EPHA5: variants seen among roughly 807,000 people sequenced by gnomAD.
The protein encoded by EPHA5 is EPH receptor A5, also known as ephrin type-A receptor 5.
Under a neutral mutation model 105.0 loss-of-function variants are expected in EPHA5, and 60 were observed. That is an observed-to-expected ratio of 0.57 (90% confidence interval 0.46 to 0.71). The LOEUF (loss-of-function observed/expected upper bound fraction) is 0.71. Among genes scored for constraint, EPHA5 ranks in the 30% least tolerant of loss-of-function variants. EPHA5 has a pLI of 0.00. For synonymous variants in EPHA5, 513 were observed against 449.1 expected (o/e 1.14, Z -1.80); for missense variants, 1,218 against 1,274.7 (o/e 0.96, Z 0.68).
intron 5 of EPHA5, among the ~76,000 whole-genome samples, chr4:65,485,698 C>A (rs930285458): frequency 6.6e-6 from 1 of 152,068 alleles, no homozygotes; most frequent in Non-Finnish European, 1.5e-5. Flanking sequence ...CTTTTTGAAT[C>A]CAATTTTGAA....
chr4:65,361,948 C>CT (rs112240968), intron 11 of EPHA5, among the ~76,000 whole-genome samples: 2 of 151,468 alleles, frequency 1.3e-5, no homozygotes, highest in African/African-American at 2.4e-5. Flanking sequence ...AAAATTACAA[C>CT]TTTTTTTCCT....
intron 5 of EPHA5, among the ~76,000 whole-genome samples, chr4:65,462,334 G>A (rs1313180222): frequency 6.6e-6 from 1 of 152,000 alleles, no homozygotes; most frequent in Non-Finnish European, 1.5e-5. Flanking sequence ...GTATTGCTAG[G>A]CATTTTGCAA....
chr4:65,330,814 C>T, intron 16 of EPHA5: 1 of 1,029,730 alleles, frequency 9.7e-7, no homozygotes, highest in Non-Finnish European at 1.2e-6. Flanking sequence ...TATGTGTTAT[C>T]AAGTAGATAT....
At chr4:65,459,673 G>A (rs1356405437) in intron 5 of EPHA5, among the ~76,000 whole-genome samples, 3 of 151,516 alleles carry the variant, frequency 2.0e-5, no homozygotes, top group Non-Finnish European at 1.5e-5. Flanking sequence ...GTTTATTAAA[G>A]CTATTTACCA....
chr4:65,427,137 C>G (rs1045804852), intron 5 of EPHA5, among the ~76,000 whole-genome samples: 2 of 148,166 alleles, frequency 1.3e-5, no homozygotes, highest in African/African-American at 5.0e-5. Flanking sequence ...TATAGAGAGA[C>G]AATTATATGT....
intron 5 of EPHA5, among the ~76,000 whole-genome samples, chr4:65,472,751 C>A (rs1729416614): frequency 7.5e-6 from 1 of 132,978 alleles, no homozygotes; most frequent in Admixed American, 7.5e-5. Context: ...ACCTGGCCCA[C>A]AAAACCTGGC....
intron 2 of EPHA5, among the ~76,000 whole-genome samples, chr4:65,603,380 A>C (rs149238079): frequency 6.6e-6 from 1 of 152,252 alleles, no homozygotes; most frequent in African/African-American, 2.4e-5. Context: ...TATAATTTTA[A>C]ATCTTTAAAA....
At chr4:65,458,073 CAAA>C (rs10565968) in intron 5 of EPHA5, among the ~76,000 whole-genome samples, 17,014 of 74,044 alleles carry the variant, frequency 0.23, 695 homozygotes, top group Middle Eastern at 0.39. Context: ...CACTCCATCC[CAAA>C]AAAAAAAAAA....
chr4:65,367,332 T>C (rs2148896010), intron 9 of EPHA5, 25 bp downstream of exon 9: 1 of 1,588,208 alleles, frequency 6.3e-7, no homozygotes, highest in Non-Finnish European at 8.6e-7. Context: ...TTTTATTCTA[T>C]TTTTATTTTT....
At chr4:65,527,911 T>G (rs753486374) in intron 3 of EPHA5, among the ~76,000 whole-genome samples, 9 of 152,078 alleles carry the variant, frequency 5.9e-5, no homozygotes, top group Non-Finnish European at 1.3e-4. Flanking sequence ...TTCTCATCAT[T>G]TAGCTCCCAC....
In EPHA5 at chr4:65,498,848, C is replaced by G. The variant is rs542569437; in HGVS notation, c.911-3305G>C. Reference sequence around the variant, plus strand: ...AAAACCTGTGTGGTTCAATATTATCCAAGAAAAATGTCATAAACTGTAATT... The same window carrying G: ...AAAACCTGTGTGGTTCAATATTATCGAAGAAAAATGTCATAAACTGTAATT... On this transcript the variant is annotated intron_variant, in intron 3 of 16. Coordinates refer to ENST00000613740, the MANE Select transcript of EPHA5 (RefSeq NM_001281766.3). Among the ~76,000 whole-genome samples the G allele has an allele frequency of 2.6e-5, 4 of 151,720 alleles. No individual in the cohort carries two copies. The South Asian group carries it at 8.3e-4, about 31-fold the overall frequency.
At chr4:65,647,852 G>A (rs1310835279) in intron 1 of EPHA5, among the ~76,000 whole-genome samples, 1 of 151,910 alleles carries the variant, frequency 6.6e-6, no homozygotes, top group Admixed American at 6.6e-5. Context: ...ACTTTAAAGG[G>A]GTTAATGAAT....
intron 5 of EPHA5, among the ~76,000 whole-genome samples, chr4:65,486,447 G>A (rs1026573074): frequency 1.3e-5 from 2 of 152,060 alleles, no homozygotes; most frequent in Non-Finnish European, 2.9e-5. Flanking sequence ...TACAGAGAGG[G>A]CCAAAGGGAT....
chr4:65,495,288 T>C (rs574948838), intron 4 of EPHA5, 100 bp downstream of exon 4: 4 of 1,269,334 alleles, frequency 3.2e-6, no homozygotes, highest in East Asian at 2.4e-5. Context: ...ATTATGTCTG[T>C]TTTAGGGGGA....
intron 3 of EPHA5, among the ~76,000 whole-genome samples, chr4:65,513,371 G>C (rs545949067): frequency 4.6e-5 from 7 of 151,924 alleles, no homozygotes; most frequent in East Asian, 1.9e-4. Context: ...CAAAAGATTT[G>C]GGGTTTTTTT....
intron 3 of EPHA5, among the ~76,000 whole-genome samples, chr4:65,576,115 A>AAAGAAAAGAAAAGAAAAAAG (rs1553943548): frequency 2.0e-4 from 9 of 45,688 alleles, no homozygotes; most frequent in Non-Finnish European, 3.1e-4. Flanking sequence ...AAAGAAAAGA[A>AAAGAAAAGAAAAGAAAAAAG]AAAAGAAAAG....
intron 1 of EPHA5, among the ~76,000 whole-genome samples, chr4:65,662,072 T>G (rs1749602658): frequency 6.6e-6 from 1 of 152,070 alleles, no homozygotes; most frequent in African/African-American, 2.4e-5. Flanking sequence ...CTTACCCTCT[T>G]AAATCATTTT....
At chr4:65,329,102 G>T (rs899824834) in intron 16 of EPHA5, among the ~76,000 whole-genome samples, 1 of 151,256 alleles carries the variant, frequency 6.6e-6, no homozygotes, top group Admixed American at 6.6e-5. Context: ...GTCCTTAACT[G>T]AAATGTTTGG....
chr4:65,610,352 A>T (rs1228431817), intron 2 of EPHA5, among the ~76,000 whole-genome samples: 2 of 152,088 alleles, frequency 1.3e-5, no homozygotes, highest in Admixed American at 1.3e-4. Flanking sequence ...AACAACAGAC[A>T]CTAGGGACTG....
Sources: allele counts gnomAD v4.1 joint callset (sites outside exome capture counted in the v4.1 genomes callset), GRCh38; gene constraint gnomAD v4.1.1; transcripts MANE v1.5; gene names NCBI Gene and HGNC (gene_info 2026-07-23, HGNC 2026-07-21).